ENO4: variants seen among roughly 807,000 people sequenced by gnomAD.
The protein encoded by ENO4 is enolase 4.
ENO4 carries 53 observed loss-of-function variants against 63.2 expected under a neutral mutation model. The ratio of observed to expected loss-of-function variants is 0.84; its 90% CI spans 0.67 to 1.05. ENO4 has a LOEUF of 1.05. Ranked by LOEUF, ENO4 falls within the 50% of genes least tolerant of loss-of-function variation. The pLI, the probability that ENO4 is intolerant of heterozygous loss-of-function variation, is 0.00. For missense variants in ENO4, 719 were observed against 772.0 expected, an observed-to-expected ratio of 0.93 and a Z score of 0.81; for synonymous variants, 266 against 283.8, an observed-to-expected ratio of 0.94 and a Z score of 0.63.
chr10:116,876,815 G>A (rs1200317058), intron 11 of ENO4, among the ~76,000 whole-genome samples: 1 of 152,112 alleles, frequency 6.6e-6, no homozygotes, highest in Non-Finnish European at 1.5e-5. Flanking sequence ...GCCGGGTGTG[G>A]TGGCGGGCGC....
intron 10 of ENO4, among the ~76,000 whole-genome samples, chr10:116,905,295 G>A (rs1336302329): frequency 6.6e-6 from 1 of 151,740 alleles, no homozygotes; most frequent in Non-Finnish European, 1.5e-5. Flanking sequence ...CACTGATTAA[G>A]TCACAAAATG....
At chr10:116,881,342 C>A in intron 13 of ENO4, 173 bp from the exon 14 acceptor site, 1 of 553,082 alleles carries the variant, frequency 1.8e-6, no homozygotes, top group South Asian at 2.9e-5. Context: ...ATCTGTATGG[C>A]ACAATTAACA....
exon 11 of ENO4, chr10:116,911,741 T>TCC: frequency 1.3e-6 from 2 of 1,571,682 alleles, no homozygotes; most frequent in Non-Finnish European, 1.7e-6. Flanking sequence ...TAAAATACTC[T>TCC]CCTTTCATTT....
chr10:116,864,503 T>C (rs1846502304), intron 7 of ENO4, among the ~76,000 whole-genome samples: 1 of 152,116 alleles, frequency 6.6e-6, no homozygotes, highest in Non-Finnish European at 1.5e-5. Context: ...TTTTAGAATT[T>C]TCTTGAATTC....
intron 1 of ENO4, chr10:116,849,967 C>G (rs779354732): frequency 4.3e-6 from 3 of 695,704 alleles, no homozygotes; most frequent in South Asian, 3.0e-5. Context: ...AAAGAGGGCG[C>G]TAGGCGTATT....
chr10:116,893,903 TAAAC>T (rs914153915), intron 10 of ENO4, among the ~76,000 whole-genome samples: 8 of 152,154 alleles, frequency 5.3e-5, no homozygotes, highest in African/African-American at 1.9e-4. Flanking sequence ...TTAGAGAAAG[TAAAC>T]AAAATAAAAT....
intron 10 of ENO4, among the ~76,000 whole-genome samples, chr10:116,888,809 G>C (rs1229061183): frequency 1.3e-5 from 2 of 152,228 alleles, no homozygotes; most frequent in African/African-American, 2.4e-5. Context: ...ATTTTTTTAA[G>C]ACAACTACTT....
chr10:116,879,403 C>A, intron 12 of ENO4, 45 bp downstream of exon 12: 1 of 1,404,724 alleles, frequency 7.1e-7, no homozygotes. Flanking sequence ...GCTTTTATCA[C>A]GAATTGGTAT....
chr10:116,878,742 C>CTTTTTTTT (rs10635577), intron 11 of ENO4, among the ~76,000 whole-genome samples: 5 of 114,356 alleles, frequency 4.4e-5, no homozygotes, highest in Admixed American at 1.1e-4. Context: ...AATCATATAT[C>CTTTTTTTT]TTTTTTTTTT....
At chr10:116,911,554 G>C in exon 11 of ENO4, 1 of 1,550,656 alleles carries the variant, frequency 6.4e-7, no homozygotes. Context: ...AGGAAACAAT[G>C]ACTTTGGTGA....
rs1161038981 is a variant in ENO4, at chr10:116,873,901, AATATTTAAG to A, written c.1216-166_1216-158del. On this transcript the variant is annotated intron_variant, in intron 9 of 13. Transcript: ENST00000341276. Reference sequence around the variant, plus strand: ...GAATGGTGACTTGATTTCCCAGGTTAATATTTAAGATATTTAAAGTAGAATGGACAGATT... The same window carrying A: ...GAATGGTGACTTGATTTCCCAGGTTAATATTTAAAGTAGAATGGACAGATT... 1.5e-5 allele frequency: 15 copies of A among 983,260 alleles called. No homozygotes were observed. The African/African-American group carries it at 2.6e-4, about 17-fold the overall frequency. The allele number at this position is 983,260 out of a possible 1,614,324, so 60.9% of individuals were successfully genotyped here. A position where few individuals can be genotyped will look rare whatever the true frequency, so the allele number is the denominator to read the frequency against.
intron 10 of ENO4, among the ~76,000 whole-genome samples, chr10:116,902,687 G>C (rs1847793903): frequency 6.6e-6 from 1 of 152,178 alleles, no homozygotes; most frequent in South Asian, 2.1e-4. Flanking sequence ...CTCAAAGCAT[G>C]ATTCTAGTAA....
intron 13 of ENO4, among the ~76,000 whole-genome samples, 155 bp downstream of exon 13, chr10:116,880,141 A>G (rs1208684690): frequency 6.6e-6 from 1 of 152,228 alleles, no homozygotes; most frequent in Non-Finnish European, 1.5e-5. Context: ...GCCACAATGT[A>G]TATTGTTGTC....
intron 10 of ENO4, chr10:116,906,700 G>A (rs756292217): frequency 6.2e-7 from 1 of 1,613,178 alleles, no homozygotes; most frequent in South Asian, 1.1e-5. Context: ...TGTTTTCAGG[G>A]TCAAGGGATT....
chr10:116,887,606 C>A (rs1589773313), intron 10 of ENO4, among the ~76,000 whole-genome samples: 1 of 152,134 alleles, frequency 6.6e-6, no homozygotes, highest in East Asian at 1.9e-4. Context: ...ATTCTCTGAC[C>A]CCTTCAGCAG....
At chr10:116,885,933 T>C (rs143097571), downstream of ENO4, 273 of 168,002 alleles carry the variant, frequency 1.6e-3, 4 homozygotes, top group African/African-American at 6.4e-3. Context: ...GAAGCTTCTT[T>C]GGGGGCTTTT....
chr10:116,876,382 A>G (rs1846834177), intron 11 of ENO4, 122 bp downstream of exon 11: 2 of 844,798 alleles, frequency 2.4e-6, no homozygotes, highest in South Asian at 4.0e-5. Context: ...AGAAAGTCCA[A>G]CCATTTGTGA....
chr10:116,895,587 G>T (rs367698813), intron 10 of ENO4, among the ~76,000 whole-genome samples: 51 of 152,248 alleles, frequency 3.3e-4, no homozygotes, highest in African/African-American at 1.2e-3. Context: ...AGTATGCAGG[G>T]TCTAAGGAAC....
chr10:116,879,152 GT>G (rs1846925693), intron 11 of ENO4, 138 bp from the exon 12 acceptor site: 1 of 599,078 alleles, frequency 1.7e-6, no homozygotes, highest in African/African-American at 1.9e-5. Context: ...AAATGCAAAC[GT>G]TAGAATCCTA....
Sources: allele counts gnomAD v4.1 joint callset (sites outside exome capture counted in the v4.1 genomes callset), GRCh38; gene constraint gnomAD v4.1.1; transcripts MANE v1.5; gene names NCBI Gene and HGNC (gene_info 2026-07-23, HGNC 2026-07-21).